CNTLN: variants seen among roughly 807,000 people sequenced by gnomAD.
The protein encoded by CNTLN is centlein.
In CNTLN, 212 loss-of-function variants were observed where a neutral mutation model predicts 180.0. The observed-to-expected ratio is 1.18, with a 90% CI of 1.05 to 1.32. The LOEUF is 1.32. Ranked by LOEUF, CNTLN falls within the 40% of genes most tolerant of loss-of-function variation. The pLI is 0.00. For missense variants in CNTLN, 2,095 were observed against 1,610.9 expected (o/e 1.30, Z -5.14); for synonymous variants, 722 against 563.1 (o/e 1.28, Z -3.99).
chr9:17,170,096 T>A (rs1198256948), intron 2 of CNTLN, among the ~76,000 whole-genome samples: 2 of 152,194 alleles, frequency 1.3e-5, no homozygotes, highest in Non-Finnish European at 2.9e-5. Flanking sequence ...GTTATAGATC[T>A]TTCATGTAGT....
At chr9:17,445,319 T>C (rs886177763) in intron 18 of CNTLN, among the ~76,000 whole-genome samples, 3 of 152,110 alleles carry the variant, frequency 2.0e-5, no homozygotes, top group Non-Finnish European at 2.9e-5. Flanking sequence ...AAGACTTAGA[T>C]ACGGTACAAC....
chr9:17,299,322 T>C (rs991964127), intron 7 of CNTLN: 1 of 260,612 alleles, frequency 3.8e-6, no homozygotes, highest in African/African-American at 2.3e-5. Flanking sequence ...TTTTAATAAA[T>C]AATGTAGTTT....
chr9:17,306,146 A>ATTTTTTTTTTTTTTT (rs572150057), intron 7 of CNTLN, among the ~76,000 whole-genome samples: 14 of 128,006 alleles, frequency 1.1e-4, no homozygotes, highest in Admixed American at 2.4e-4. Flanking sequence ...TTAGTCGTCT[A>ATTTTTTTTTTTTTTT]TTTTTTTTTT....
Position 17,502,641 on chromosome 9 carries a change from GATATT to G in CNTLN, c.4212_4216del (p.Asp1404GlufsTer13). On this transcript the variant is annotated frameshift_variant, in exon 26 of 26. Coordinates refer to ENST00000380647, the MANE Select transcript of CNTLN (RefSeq NM_017738.4). LOFTEE classifies it high-confidence loss of function. ...TGAAGGATATTTCACAATTATGAAAGATATTAGATGATATTAAAATGGAGAGCTTT... is the reference window on the plus strand; with the variant it reads ...TGAAGGATATTTCACAATTATGAAAGAGATGATATTAAAATGGAGAGCTTT... 1 of 1,223,584 alleles carries G rather than the reference GATATT, an allele frequency of 8.2e-7. No individual in the cohort carries two copies. Among genetic ancestry groups the G allele is most frequent in the Non-Finnish European group, 1.1e-6 (1 of 876,578 alleles). The allele number at this position is 1,223,584 out of a possible 1,614,324, so 75.8% of individuals were successfully genotyped here. A position where few individuals can be genotyped will look rare whatever the true frequency, so the allele number is the denominator to read the frequency against.
At position 17,394,669 on chromosome 9, in the gene CNTLN, A is replaced by T; in HGVS notation, c.2215A>T (p.Arg739Ter). The T allele has an allele frequency of 6.2e-7, 1 of 1,613,174 alleles. No individual in the cohort carries two copies. The highest frequency in any genetic ancestry group is 1.1e-5 in the South Asian group (1 of 90,874). The change falls in exon 15 of 26, where the codon AGA becomes TGA. Residue 739 changes from arginine to a stop codon, truncating the protein, a stop_gained. Coordinates refer to ENST00000380647, the MANE Select transcript of CNTLN (RefSeq NM_017738.4). LOFTEE classifies it high-confidence loss of function. ...ACAGCAACAAGAAGATACAGAGACCAGAGAAAAAGAGCTAGAACAGATAAT... is the reference window on the plus strand; with the variant it reads ...ACAGCAACAAGAAGATACAGAGACCTGAGAAAAAGAGCTAGAACAGATAAT... ...LKQQQEDTET[R>*]EKELEQIIKG... is the part of the protein sequence containing the mutation.
At chr9:17,183,857 G>T (rs1821272036) in intron 2 of CNTLN, among the ~76,000 whole-genome samples, 1 of 151,990 alleles carries the variant, frequency 6.6e-6, no homozygotes, top group Admixed American at 6.6e-5. Flanking sequence ...AGTAAAGATA[G>T]TATTATTTAT....
intron 12 of CNTLN, among the ~76,000 whole-genome samples, chr9:17,350,596 G>A (rs563397854): frequency 6.6e-6 from 1 of 152,254 alleles, no homozygotes; most frequent in Admixed American, 6.5e-5. Flanking sequence ...CATAGGCTGG[G>A]TGGCTTAACA....
chr9:17,225,457 G>T (rs1444602325), intron 2 of CNTLN, among the ~76,000 whole-genome samples: 1 of 151,904 alleles, frequency 6.6e-6, no homozygotes. Context: ...GTTTTTCTAT[G>T]AATACCATGT....
At chr9:17,518,628 TC>T in the CNTLN span, among the ~76,000 whole-genome samples, 41 of 152,306 alleles carry the variant, frequency 2.7e-4, no homozygotes, top group African/African-American at 9.4e-4. Context: ...TCTCCCTCTG[TC>T]CTATGATGGG....
At chr9:17,440,213 C>G (rs1436578883) in intron 18 of CNTLN, among the ~76,000 whole-genome samples, 3 of 151,916 alleles carry the variant, frequency 2.0e-5, no homozygotes, top group Admixed American at 6.6e-5. Flanking sequence ...TTGACAGATC[C>G]TCGCAAAGTG....
chr9:17,519,855 A>C, the CNTLN span, among the ~76,000 whole-genome samples: 1 of 152,190 alleles, frequency 6.6e-6, no homozygotes, highest in Non-Finnish European at 1.5e-5. Flanking sequence ...TAGAGTTTCT[A>C]TTTCAAATAT....
chr9:17,312,343 T>TTA (rs1225851796), intron 8 of CNTLN, among the ~76,000 whole-genome samples: 2,333 of 28,432 alleles, frequency 0.082, 87 homozygotes, highest in Non-Finnish European at 0.13. Context: ...ATTACTGTAT[T>TTA]TATATATATA....
rs1184988850 is a variant in CNTLN at position 17,135,244 on chromosome 9, A to G, written c.179A>G (p.Glu60Gly). The change falls in exon 1 of 26, where the codon GAA (glutamate) becomes GGA (glycine). Residue 60 changes from glutamate (E) to glycine (G), a missense_variant. Physicochemically the swap from Glu to Gly is moderately conservative, Grantham distance 98 (BLOSUM62 -2). Coordinates refer to ENST00000380647, the MANE Select transcript of CNTLN (RefSeq NM_017738.4). ...ADESDKIWVG[E>G]EGSGGRRGPG... ...GAAAGTGATAAAATCTGGGTGGGTG[A>G]AGAAGGGTCAGGGGGCCGGCGAGGG... 1 of 1,607,634 alleles carries G rather than the reference A, an allele frequency of 6.2e-7. No individual in the cohort carries two copies. The highest frequency in any genetic ancestry group is 2.2e-5 in the East Asian group (1 of 44,558).
At chr9:17,439,274 C>G (rs1300478958) in intron 18 of CNTLN, among the ~76,000 whole-genome samples, 1 of 152,036 alleles carries the variant, frequency 6.6e-6, no homozygotes, top group African/African-American at 2.4e-5. Flanking sequence ...AATAAAAAGT[C>G]TTTCTCTAAG....
At chr9:17,513,190 C>G in the CNTLN span, among the ~76,000 whole-genome samples, 2 of 151,894 alleles carry the variant, frequency 1.3e-5, no homozygotes, top group African/African-American at 4.8e-5. Context: ...CTTTTAATAA[C>G]AATTTTGACT....
At chr9:17,491,054 A>G (rs559373647) in intron 25 of CNTLN, among the ~76,000 whole-genome samples, 1 of 152,056 alleles carries the variant, frequency 6.6e-6, no homozygotes, top group Non-Finnish European at 1.5e-5. Context: ...AACTTTGCCC[A>G]CTAAAAGACA....
intron 18 of CNTLN, among the ~76,000 whole-genome samples, chr9:17,456,552 A>C (rs953441636): frequency 6.6e-6 from 1 of 152,124 alleles, no homozygotes; most frequent in Non-Finnish European, 1.5e-5. Flanking sequence ...TATAGTGTTA[A>C]TACTTAAGTA....
At chr9:17,291,936 G>A (rs749028396) in intron 6 of CNTLN, among the ~76,000 whole-genome samples, 3 of 152,164 alleles carry the variant, frequency 2.0e-5, no homozygotes, top group East Asian at 3.9e-4. Context: ...GTGGCTAGTG[G>A]TGGTTTTTCC....
At chr9:17,491,169 T>C (rs905955098) in intron 25 of CNTLN, among the ~76,000 whole-genome samples, 1 of 152,096 alleles carries the variant, frequency 6.6e-6, no homozygotes, top group African/African-American at 2.4e-5. Flanking sequence ...CTTGTGACTT[T>C]ATAAAGGCAA....
Sources: allele counts gnomAD v4.1 joint callset (sites outside exome capture counted in the v4.1 genomes callset), GRCh38; gene constraint gnomAD v4.1.1; transcripts MANE v1.5; gene names NCBI Gene and HGNC (gene_info 2026-07-23, HGNC 2026-07-21).